Variants in PKHD1 observed in about 807,000 individuals in gnomAD.
PKHD1 encodes fibrocystin.
Under a neutral mutation model 412.0 loss-of-function variants are expected in PKHD1, and 291 were observed. The ratio of observed to expected loss-of-function variants is 0.71; its 90% confidence interval spans 0.64 to 0.78. The LOEUF (loss-of-function observed/expected upper bound fraction) is 0.78. PKHD1 is among the 30% of genes least tolerant of loss of function. PKHD1 has a pLI of 0.00. For missense variants in PKHD1, 4,825 were observed against 4,950.7 expected (o/e 0.97, Z 0.76); for synonymous variants, 1,777 against 1,821.5 (o/e 0.98, Z 0.62).
intron 50 of PKHD1, among the ~76,000 whole-genome samples, chr6:51,842,499 C>G (rs1582986408): frequency 6.6e-6 from 1 of 152,304 alleles, no homozygotes; most frequent in Non-Finnish European, 1.5e-5. Context: ...GTGCGAGCAG[C>G]TGCTGGAACC....
At position 51,847,975 on chromosome 6, in the gene PKHD1, A is replaced by C. The variant is rs371510537; in HGVS notation, c.7912-5T>G. On this transcript the variant is annotated splice_region_variant and splice_polypyrimidine_tract_variant and intron_variant, in intron 49 of 66. Transcript: ENST00000371117. ...GTTGTCAAAGGTTGCTGAGTACTTG[A>C]AGTGAAAGAAAAACACAATAGTGCT... 8.1e-4 allele frequency: 1,300 copies of C among 1,606,658 alleles called. 9 individuals are homozygous for C. The Middle Eastern group carries it at 0.023, about 28-fold the overall frequency.
rs138299600 is a variant in PKHD1, at chr6:51,619,156, C to G, written c.12150G>C (p.Lys4050Asn). The G allele has an allele frequency of 6.2e-6, 10 of 1,614,140 alleles. No individual in the cohort carries two copies. The highest frequency in any genetic ancestry group is 7.6e-6 in the Non-Finnish European group (9 of 1,180,046). The part of the protein sequence containing the change: ...QSGSLGLSQE[K>N]KASCGATEAF... ...CCTCAGTGGCCCCGCAGGAGGCTTTCTTCTCTTGGGAAAGCCCCAAGCTGC... is the reference window on the plus strand; with the variant it reads ...CCTCAGTGGCCCCGCAGGAGGCTTTGTTCTCTTGGGAAAGCCCCAAGCTGC... The change falls in exon 67 of 67, where the codon AAG becomes AAC. Residue 4050 changes from lysine to asparagine, a missense_variant. Lys to Asn is a moderately conservative substitution (Grantham distance 94, BLOSUM62 0). Transcript: ENST00000371117.
chr6:51,884,698 A>C (rs1012650419), intron 45 of PKHD1, among the ~76,000 whole-genome samples: 1 of 152,152 alleles, frequency 6.6e-6, no homozygotes, highest in African/African-American at 2.4e-5. Context: ...ATTTCAAAAA[A>C]TGGCTTTATT....
intron 65 of PKHD1, among the ~76,000 whole-genome samples, chr6:51,631,612 C>T (rs1767925857): frequency 6.6e-6 from 1 of 152,026 alleles, no homozygotes; most frequent in Non-Finnish European, 1.5e-5. Flanking sequence ...GTAGAGCCTC[C>T]TAGTAAGACA....
chr6:51,620,989 C>T (rs769575961), intron 66 of PKHD1, among the ~76,000 whole-genome samples: 1 of 152,026 alleles, frequency 6.6e-6, no homozygotes, highest in Non-Finnish European at 1.5e-5. Flanking sequence ...GGATGATTCT[C>T]TTGCTTAGAG....
chr6:51,751,052 A>G (rs1988089), intron 57 of PKHD1, among the ~76,000 whole-genome samples: 1 of 152,036 alleles, frequency 6.6e-6, no homozygotes, highest in Non-Finnish European at 1.5e-5. Context: ...GCTAGGATTA[A>G]AGGCATGAGC....
At chr6:51,640,322 A>C (rs184223976) in intron 63 of PKHD1, among the ~76,000 whole-genome samples, 4 of 152,322 alleles carry the variant, frequency 2.6e-5, no homozygotes, top group Admixed American at 1.3e-4. Flanking sequence ...AAAGTGCTTT[A>C]GTTCTAAATG....
chr6:51,874,516 T>C lies in PKHD1; in HGVS notation c.7351-3877A>G, dbSNP rs558973671. Among the ~76,000 whole-genome samples, 3 of 152,324 alleles carry C rather than the reference T, an allele frequency of 2.0e-5. 1 individual carries two copies. In the South Asian group the frequency reaches 6.2e-4, roughly 32 times the overall value. ...CTTAAAGGAAAAAAATTCCTTCTGA[T>C]GATAAAAAGTTCTTCCAGAAAGTAA... On this transcript the variant is annotated intron_variant, in intron 46 of 66. Coordinates refer to ENST00000371117, the MANE Select transcript of PKHD1 (RefSeq NM_138694.4).
intron 52 of PKHD1, among the ~76,000 whole-genome samples, chr6:51,810,720 C>T (rs1313950748): frequency 6.6e-6 from 1 of 152,118 alleles, no homozygotes; most frequent in Non-Finnish European, 1.5e-5. Context: ...AGCCCTTACT[C>T]AGATAAAGAC....
chr6:52,013,559 G>T (rs532621426), intron 34 of PKHD1, among the ~76,000 whole-genome samples: 1 of 151,966 alleles, frequency 6.6e-6, no homozygotes, highest in East Asian at 1.9e-4. Flanking sequence ...AAGCACAGTT[G>T]GCCATATTTA....
At chr6:51,697,836 G>C (rs1045895342) in intron 60 of PKHD1, among the ~76,000 whole-genome samples, 7 of 152,142 alleles carry the variant, frequency 4.6e-5, no homozygotes, top group African/African-American at 1.4e-4. Flanking sequence ...TTCAATTCCT[G>C]GGCATTTGCA....
chr6:52,009,343 T>A (rs1357736238), intron 35 of PKHD1, among the ~76,000 whole-genome samples: 2 of 152,146 alleles, frequency 1.3e-5, no homozygotes, highest in Non-Finnish European at 2.9e-5. Flanking sequence ...TCGCATACAT[T>A]TTCAGCACCA....
chr6:52,082,987 T>C (rs1385375632), intron 3 of PKHD1, among the ~76,000 whole-genome samples, 191 bp downstream of exon 3: 3 of 152,316 alleles, frequency 2.0e-5, no homozygotes, highest in African/African-American at 4.8e-5. Flanking sequence ...GTTGTCATGG[T>C]ATGCTGTGCT....
At chr6:51,985,268 T>A (rs1796065759) in intron 35 of PKHD1, among the ~76,000 whole-genome samples, 1 of 152,256 alleles carries the variant, frequency 6.6e-6, no homozygotes. Flanking sequence ...AGAAATCAAC[T>A]TCTTGAAATA....
At chr6:51,866,255 A>G (rs555302657) in intron 48 of PKHD1, among the ~76,000 whole-genome samples, 1 of 152,252 alleles carries the variant, frequency 6.6e-6, no homozygotes, top group Non-Finnish European at 1.5e-5. Flanking sequence ...AATAGAATCT[A>G]AGGAGTAGAG....
intron 48 of PKHD1, 56 bp downstream of exon 48, chr6:51,867,807 A>T (rs1244677031): frequency 7.9e-6 from 12 of 1,520,026 alleles, no homozygotes; most frequent in Non-Finnish European, 1.1e-5. Context: ...CTCGACAGCC[A>T]GAATAACAGA....
intron 36 of PKHD1, among the ~76,000 whole-genome samples, chr6:51,934,839 G>C (rs1191805932): frequency 6.6e-6 from 1 of 152,112 alleles, no homozygotes; most frequent in Non-Finnish European, 1.5e-5. Flanking sequence ...GTATTGCTCT[G>C]CCCCATTGAC....
intron 43 of PKHD1, among the ~76,000 whole-genome samples, chr6:51,895,943 T>C (rs890232839): frequency 2.6e-5 from 4 of 152,132 alleles, no homozygotes; most frequent in South Asian, 2.1e-4. Flanking sequence ...CCCACCCGAA[T>C]ACTGCGCTTT....
In PKHD1 at chr6:52,045,094, A is replaced by G. The variant is rs2128186670; in HGVS notation, c.2593-6T>C. On this transcript the variant is annotated splice_polypyrimidine_tract_variant and splice_region_variant and intron_variant, in intron 24 of 66. Transcript: ENST00000371117. Reference sequence around the variant, plus strand: ...GTAAGGTTTTCATCAGAGACCTGAGATGGTTACATTTCTGGTAAATTCTGT... The same window carrying G: ...GTAAGGTTTTCATCAGAGACCTGAGGTGGTTACATTTCTGGTAAATTCTGT... 1 of 1,613,196 alleles carries G rather than the reference A, an allele frequency of 6.2e-7. No homozygotes were observed. The highest frequency in any genetic ancestry group is 8.5e-7 in the Non-Finnish European group (1 of 1,179,210).
Sources: gnomAD v4.1 joint callset for allele counts (sites outside exome capture counted in the v4.1 genomes callset) on GRCh38, gnomAD v4.1.1 for gene constraint, MANE v1.5 for transcripts, NCBI Gene and HGNC (gene_info 2026-07-23, HGNC 2026-07-21) for gene names.